The following SDCCAG8 variants were observed in gnomAD, a reference collection of about 807,000 sequenced individuals.
SDCCAG8 encodes serologically defined colon cancer antigen 8.
SDCCAG8 carries 74 observed loss-of-function variants against 101.8 expected under a neutral mutation model. That is an observed-to-expected ratio of 0.73 (90% CI 0.60 to 0.88). The LOEUF is 0.88. Among genes scored for constraint, SDCCAG8 ranks in the 40% least tolerant of loss-of-function variants. The probability of loss-of-function intolerance (pLI) is 0.00; values close to 1 mark genes in which losing one functional copy is unlikely to be tolerated. For synonymous variants in SDCCAG8, 281 were observed against 292.9 expected, an observed-to-expected ratio of 0.96 and a Z score of 0.41; for missense variants, 787 against 822.6, an observed-to-expected ratio of 0.96 and a Z score of 0.53.
intron 9 of SDCCAG8, among the ~76,000 whole-genome samples, chr1:243,319,183 A>T (rs1044388120): frequency 1.3e-5 from 2 of 151,840 alleles, no homozygotes; most frequent in Non-Finnish European, 2.9e-5. Flanking sequence ...CACCCCCATG[A>T]CCCAAACACC....
chr1:243,439,266 A>G (rs1018697772), intron 16 of SDCCAG8, among the ~76,000 whole-genome samples: 1 of 151,648 alleles, frequency 6.6e-6, no homozygotes, highest in Non-Finnish European at 1.5e-5. Context: ...TGATCCTCCC[A>G]CCTCAGCCTC....
chr1:243,409,423 C>T (rs1327978257), intron 13 of SDCCAG8, among the ~76,000 whole-genome samples: 1 of 152,128 alleles, frequency 6.6e-6, no homozygotes, highest in Non-Finnish European at 1.5e-5. Context: ...TATACACTTA[C>T]ATGTATATTC....
chr1:243,304,627 A>C (rs937991135), intron 6 of SDCCAG8, 86 bp from the exon 7 acceptor site: 8 of 733,216 alleles, frequency 1.1e-5, no homozygotes, highest in Non-Finnish European at 1.9e-5. Context: ...AAAAAGAAAA[A>C]AATTGAGTTT....
intron 14 of SDCCAG8, 53 bp downstream of exon 14, chr1:243,415,882 A>G (rs1276575725): frequency 6.2e-7 from 1 of 1,600,480 alleles, no homozygotes; most frequent in Non-Finnish European, 8.5e-7. Context: ...AGTCAGGCCC[A>G]CGCCTTACTG....
Position 243,458,425 on chromosome 1 carries a change from C to T in SDCCAG8, c.1986-30589C>T, listed in dbSNP as rs370510524. Among the ~76,000 whole-genome samples the T allele has an allele frequency of 4.0e-5, 6 of 151,734 alleles. No individual in the cohort carries two copies. Among genetic ancestry groups the T allele is most frequent in the African/African-American group, 7.3e-5 (3 of 41,340 alleles). On this transcript the variant is annotated intron_variant, in intron 16 of 17. Coordinates refer to ENST00000366541, the MANE Select transcript of SDCCAG8 (RefSeq NM_006642.5). The surrounding 1 kb of genome is among the most constrained non-coding windows in gnomAD (Gnocchi z 4.5). ...TAAGATATAATAAATATATAATAAT[C>T]GTCATTGTAATTCTCATCACTGTAG... is the stretch of plus-strand genomic sequence containing the variant.
intron 8 of SDCCAG8, among the ~76,000 whole-genome samples, chr1:243,313,833 C>A (rs2072990199): frequency 1.3e-5 from 2 of 152,044 alleles, no homozygotes; most frequent in Non-Finnish European, 2.9e-5. Context: ...TGGGCAGTTA[C>A]CCTGGGTGGC....
intron 16 of SDCCAG8, among the ~76,000 whole-genome samples, chr1:243,444,002 T>C (rs1443888795): frequency 1.3e-5 from 2 of 152,196 alleles, no homozygotes; most frequent in African/African-American, 4.8e-5. Flanking sequence ...TGATATAGAC[T>C]CCAAGGCAGC....
chr1:243,441,948 T>C (rs1296304833), intron 16 of SDCCAG8, among the ~76,000 whole-genome samples: 1 of 152,230 alleles, frequency 6.6e-6, no homozygotes. Context: ...GTTTATATTC[T>C]GTGCTGTTAT....
intron 16 of SDCCAG8, among the ~76,000 whole-genome samples, chr1:243,436,994 A>G (rs2082176715): frequency 1.3e-5 from 2 of 152,180 alleles, no homozygotes. Context: ...TCTTCCATAT[A>G]TCCAATGTAA....
intron 17 of SDCCAG8, among the ~76,000 whole-genome samples, chr1:243,498,286 G>A (rs1378260873): frequency 1.3e-5 from 2 of 152,198 alleles, no homozygotes; most frequent in African/African-American, 4.8e-5. Flanking sequence ...AGGACAGAAG[G>A]GAGTCCCCTC....
chr1:243,381,419 T>C (rs1261562899), intron 13 of SDCCAG8, among the ~76,000 whole-genome samples: 4 of 151,948 alleles, frequency 2.6e-5, no homozygotes, highest in Non-Finnish European at 5.9e-5. Flanking sequence ...TGAGACCCCA[T>C]CTCTACAAAA....
intron 5 of SDCCAG8, 34 bp from the exon 6 acceptor site, chr1:243,293,057 A>T: frequency 1.2e-6 from 2 of 1,613,250 alleles, no homozygotes; most frequent in Non-Finnish European, 1.7e-6. Context: ...TTAAAGTTGA[A>T]TTCAGTTGCA....
chr1:243,461,584 TTTCTC>T (rs1440088061), intron 16 of SDCCAG8, among the ~76,000 whole-genome samples: 10 of 152,332 alleles, frequency 6.6e-5, no homozygotes, highest in African/African-American at 2.4e-4. Context: ...TGAGAGATGT[TTTCTC>T]TTTCTTGGCA....
intron 1 of SDCCAG8, among the ~76,000 whole-genome samples, chr1:243,257,542 C>A (rs1440962333): frequency 6.6e-6 from 1 of 152,052 alleles, no homozygotes. Flanking sequence ...ACTAGACAAG[C>A]ACTCATTAAA....
intron 5 of SDCCAG8, among the ~76,000 whole-genome samples, chr1:243,287,632 G>A (rs2069763425): frequency 6.6e-6 from 1 of 152,012 alleles, no homozygotes; most frequent in Non-Finnish European, 1.5e-5. Context: ...ATAATTATTA[G>A]TGGTAAAAAC....
chr1:243,344,965 C>G (rs967268780), intron 12 of SDCCAG8, among the ~76,000 whole-genome samples: 6 of 152,132 alleles, frequency 3.9e-5, no homozygotes, highest in African/African-American at 1.4e-4. Flanking sequence ...AGAGGCAGTT[C>G]TAATAGGCTG....
chr1:243,389,375 A>G (rs1030221950), intron 13 of SDCCAG8, among the ~76,000 whole-genome samples: 1 of 152,246 alleles, frequency 6.6e-6, no homozygotes, highest in East Asian at 1.9e-4. Flanking sequence ...TTAGAATATA[A>G]AAAGAAAGAA....
intron 13 of SDCCAG8, among the ~76,000 whole-genome samples, chr1:243,394,634 A>G (rs923098605): frequency 2.0e-5 from 3 of 152,230 alleles, no homozygotes; most frequent in African/African-American, 4.8e-5. Flanking sequence ...CAGAACTGCA[A>G]GTCTCATTCA....
intron 10 of SDCCAG8, among the ~76,000 whole-genome samples, chr1:243,336,087 G>A (rs2074989078): frequency 6.6e-6 from 1 of 152,172 alleles, no homozygotes; most frequent in African/African-American, 2.4e-5. Context: ...TGTGAATGGT[G>A]CTACAATGAA....
Sources: gnomAD v4.1 joint callset for allele counts (sites outside exome capture counted in the v4.1 genomes callset) on GRCh38, gnomAD v4.1.1 for gene constraint, Gnocchi (gnomAD v3.1) non-coding constraint, MANE v1.5 for transcripts, NCBI Gene and HGNC (gene_info 2026-07-23, HGNC 2026-07-21) for gene names.